Variants in SLIT3 observed in about 807,000 individuals in gnomAD.
SLIT3 encodes the protein slit homolog 3 protein.
SLIT3 carries 68 observed loss-of-function variants against 184.0 expected under a neutral mutation model. The ratio of observed to expected loss-of-function variants is 0.37; its 90% confidence interval spans 0.30 to 0.45. The LOEUF (loss-of-function observed/expected upper bound fraction) is 0.45, where lower values mean the gene tolerates loss of function less well. SLIT3 is among the 20% of genes least tolerant of loss of function. The pLI is 1.00. For synonymous variants in SLIT3, 831 were observed against 828.6 expected (o/e 1.00, Z -0.05); for missense variants, 1,707 against 2,026.0 (o/e 0.84, Z 3.02).
At chr5:168,775,982 T>G (rs752243053) in intron 12 of SLIT3, among the ~76,000 whole-genome samples, 85 of 152,220 alleles carry the variant, frequency 5.6e-4, no homozygotes, top group Non-Finnish European at 1.0e-3. Flanking sequence ...TGTAAAATCA[T>G]TTCTTATCCC....
At chr5:168,839,673 C>T (rs933791223) in intron 6 of SLIT3, among the ~76,000 whole-genome samples, 2 of 152,282 alleles carry the variant, frequency 1.3e-5, no homozygotes, top group Middle Eastern at 3.4e-3. Context: ...GCCGGATCAT[C>T]CCTTGTTTCT....
intron 9 of SLIT3, among the ~76,000 whole-genome samples, chr5:168,801,926 G>A (rs886873378): frequency 3.3e-5 from 5 of 152,266 alleles, no homozygotes; most frequent in Admixed American, 2.0e-4. Flanking sequence ...GAGAGTCTGC[G>A]AGACTGTTTT....
intron 1 of SLIT3, 123 bp from the exon 2 acceptor site, chr5:169,251,582 G>C: frequency 1.4e-6 from 1 of 710,760 alleles, no homozygotes; most frequent in Non-Finnish European, 2.6e-6. Context: ...GATGATTAAC[G>C]ATATCCCTTG....
chr5:169,199,869 A>G (rs1350228838), intron 3 of SLIT3, among the ~76,000 whole-genome samples: 2 of 152,172 alleles, frequency 1.3e-5, no homozygotes, highest in African/African-American at 2.4e-5. Context: ...TTGCGTCCCA[A>G]CAGTAGCCAA....
At chr5:169,260,607 T>C (rs774958783) in intron 1 of SLIT3, among the ~76,000 whole-genome samples, 6 of 152,222 alleles carry the variant, frequency 3.9e-5, no homozygotes, top group Non-Finnish European at 8.8e-5. Context: ...GGTCTTGGGT[T>C]CTACAGTATC....
rs918741892 is a variant in SLIT3 at position 169,122,905 on chromosome 5, C to G, written c.413+70574G>C. On this transcript the variant is annotated intron_variant, in intron 4 of 35. Transcript: ENST00000519560. ...CAAAATCCTTGAACTTTACCTACCC[C>G]TACAGAAAGCTAGTTCTAAAATCTA... is the stretch of plus-strand genomic sequence containing the variant. Among the ~76,000 whole-genome samples the G allele has an allele frequency of 5.9e-5, 9 of 152,284 alleles. No homozygotes were observed. In the East Asian group the frequency reaches 1.7e-3, roughly 29 times the overall value.
chr5:168,915,425 C>T (rs563306338), intron 4 of SLIT3, among the ~76,000 whole-genome samples: 29 of 152,128 alleles, frequency 1.9e-4, no homozygotes, highest in African/African-American at 7.0e-4. Flanking sequence ...GTGAACCAAT[C>T]GAGAGGTTCC....
intron 4 of SLIT3, among the ~76,000 whole-genome samples, chr5:168,935,149 A>C (rs1019628401): frequency 2.9e-5 from 4 of 138,514 alleles, no homozygotes; most frequent in Non-Finnish European, 4.7e-5. Context: ...AAAAAAAAAA[A>C]CAAAAAAAAA....
At chr5:169,189,301 A>T (rs1268324209) in intron 4 of SLIT3, among the ~76,000 whole-genome samples, 1 of 151,982 alleles carries the variant, frequency 6.6e-6, no homozygotes, top group Non-Finnish European at 1.5e-5. Flanking sequence ...GCCCACGGTA[A>T]TTAGCATGGC....
intron 1 of SLIT3, among the ~76,000 whole-genome samples, chr5:169,270,551 T>C (rs754140410): frequency 1.3e-5 from 2 of 152,164 alleles, no homozygotes; most frequent in African/African-American, 2.4e-5. Flanking sequence ...TATGGCTGCC[T>C]TCACGCGACA....
chr5:169,051,234 A>G (rs1235714378), intron 4 of SLIT3, among the ~76,000 whole-genome samples: 1 of 152,210 alleles, frequency 6.6e-6, no homozygotes, highest in Non-Finnish European at 1.5e-5. Context: ...AGCCAACTGA[A>G]TTAACTCTAG....
intron 13 of SLIT3, 48 bp from the exon 14 acceptor site, chr5:168,772,992 GCTCCACCAC>G: frequency 6.5e-7 from 1 of 1,533,316 alleles, no homozygotes; most frequent in Non-Finnish European, 8.8e-7. Flanking sequence ...ACGGCGTCTT[GCTCCACCAC>G]CACCACCCTG....
At chr5:168,858,397 C>A (rs1758977943) in intron 5 of SLIT3, among the ~76,000 whole-genome samples, 1 of 152,262 alleles carries the variant, frequency 6.6e-6, no homozygotes, top group African/African-American at 2.4e-5. Context: ...CTGGCAAGTT[C>A]ATTCTACTTT....
chr5:168,813,848 T>G (rs1757243340), intron 8 of SLIT3, among the ~76,000 whole-genome samples: 1 of 152,120 alleles, frequency 6.6e-6, no homozygotes, highest in South Asian at 2.1e-4. Flanking sequence ...TCTGGAGCCA[T>G]GTGTTTGGTG....
intron 6 of SLIT3, among the ~76,000 whole-genome samples, chr5:168,827,439 T>A (rs1387395523): frequency 1.3e-5 from 2 of 152,196 alleles, no homozygotes; most frequent in Non-Finnish European, 2.9e-5. Flanking sequence ...AACGATTTTT[T>A]AAAAAATATA....
intron 20 of SLIT3, among the ~76,000 whole-genome samples, chr5:168,724,866 GAAGAA>G (rs990611955): frequency 8.5e-5 from 13 of 152,170 alleles, no homozygotes; most frequent in African/African-American, 1.9e-4. Flanking sequence ...AGTCACAGTT[GAAGAA>G]AAGTTCAGAG....
intron 4 of SLIT3, among the ~76,000 whole-genome samples, chr5:169,117,867 G>A (rs17555633): frequency 0.21 from 32,618 of 152,100 alleles, 4,039 homozygotes; most frequent in Middle Eastern, 0.32. Flanking sequence ...GGCCCTTTAC[G>A]TGACACCCAA....
rs775102339 is a variant in SLIT3, at chr5:168,774,347, G to T, written c.1183C>A (p.Arg395=). Residue 395 remains arginine, a synonymous_variant, in exon 13 of 36, where the codon CGG becomes AGG. Transcript: ENST00000519560. ...TGCAGGTCCTGAAACGTGTTCACCCGCAGGCAGTTGATCTTGTTGGCATTG... is the reference window on the plus strand; with the variant it reads ...TGCAGGTCCTGAAACGTGTTCACCCTCAGGCAGTTGATCTTGTTGGCATTG... The part of the protein sequence containing the change: ...LLNANKINCL[R]VNTFQDLQNL... 4 of 1,613,588 alleles carry T rather than the reference G, an allele frequency of 2.5e-6. No individual in the cohort carries two copies. Among genetic ancestry groups the T allele is most frequent in the Non-Finnish European group, 8.5e-7 (1 of 1,179,788 alleles).
intron 5 of SLIT3, among the ~76,000 whole-genome samples, chr5:168,856,804 T>TGCGCGCGCGCGCGCGC (rs1330091597): frequency 7.2e-6 from 1 of 138,204 alleles, no homozygotes; most frequent in African/African-American, 2.8e-5. Flanking sequence ...TGTGTGTGTG[T>TGCGCGCGCGCGCGCGC]GTGCGCGCGC....
Sources: gnomAD v4.1 joint callset for allele counts (sites outside exome capture counted in the v4.1 genomes callset) on GRCh38, gnomAD v4.1.1 for gene constraint, MANE v1.5 for transcripts, NCBI Gene and HGNC (gene_info 2026-07-23, HGNC 2026-07-21) for gene names.